PAK1IP1: variants seen among roughly 807,000 people sequenced by gnomAD.
PAK1IP1 encodes p21-activated protein kinase-interacting protein 1.
Under a neutral mutation model 42.0 loss-of-function variants are expected in PAK1IP1, and 24 were observed. That is an observed-to-expected ratio of 0.57 (90% CI 0.41 to 0.80). The LOEUF is 0.80. Ranked by LOEUF, PAK1IP1 falls within the 30% of genes least tolerant of loss-of-function variation. The pLI is 0.00. For synonymous variants in PAK1IP1, 154 were observed against 156.7 expected, an observed-to-expected ratio of 0.98 and a Z score of 0.13; for missense variants, 411 against 467.9, an observed-to-expected ratio of 0.88 and a Z score of 1.12.
upstream of PAK1IP1, chr6:10,694,552 TA>T (rs1769690076): frequency 6.0e-6 from 1 of 166,234 alleles, no homozygotes; most frequent in African/African-American, 2.4e-5. Flanking sequence ...CCTACCCTAC[TA>T]GTACACAGCC....
Position 10,709,603 on chromosome 6 carries a change from T to TAAAAAA in PAK1IP1, c.*162_*167dup. The TAAAAAA allele has an allele frequency of 3.5e-6, 1 of 283,684 alleles. No homozygotes were observed. 17.6% of individuals were successfully genotyped at this position (283,684 alleles called of 1,614,324 possible). A position where few individuals can be genotyped will look rare whatever the true frequency, so the allele number is the denominator to read the frequency against. On this transcript the variant is annotated 3_prime_UTR_variant, in exon 10 of 10. Coordinates refer to ENST00000379568, the MANE Select transcript of PAK1IP1 (RefSeq NM_017906.3). Reference sequence around the variant, plus strand: ...AAAACCACTTTTAGATGGTTTTTTTTAAAAAAAAAAAAAAAACTGGTAAAA... The same window carrying TAAAAAA: ...AAAACCACTTTTAGATGGTTTTTTTTAAAAAAAAAAAAAAAAAAAAAACTGGTAAAA...
At chr6:10,705,714 A>G (rs1170946096) in intron 7 of PAK1IP1, among the ~76,000 whole-genome samples, 1 of 152,212 alleles carries the variant, frequency 6.6e-6, no homozygotes, top group East Asian at 1.9e-4. Context: ...TGACTCTTAT[A>G]TCCCTGCTTT....
At chr6:10,696,047 T>C (rs955687444) in intron 1 of PAK1IP1, among the ~76,000 whole-genome samples, 8 of 152,106 alleles carry the variant, frequency 5.3e-5, no homozygotes, top group Non-Finnish European at 8.8e-5. Flanking sequence ...AGGATGCAGT[T>C]ATTCTCGTTT....
chr6:10,703,494 C>G (rs911217204), intron 5 of PAK1IP1, 37 bp downstream of exon 5: 33 of 1,459,044 alleles, frequency 2.3e-5, no homozygotes, highest in Non-Finnish European at 3.1e-5. Flanking sequence ...TTGAGCATTC[C>G]TAATCTGGAA....
In PAK1IP1 at chr6:10,704,513, A is replaced by G. The variant is rs1318841475; in HGVS notation, c.503A>G (p.His168Arg). 1 of 1,571,610 alleles carries G rather than the reference A, an allele frequency of 6.4e-7. No individual in the cohort carries two copies. The highest frequency in any genetic ancestry group is 1.2e-5 in the South Asian group (1 of 85,312). ...AFIKNIKQNAHIVEWSPRGEQ... is the reference protein window; with the variant it reads ...AFIKNIKQNARIVEWSPRGEQ... The stretch of plus-strand genomic sequence containing the variant: ...CGTTTTTTTCCACTTACAGATGCTC[A>G]CATAGTAGAATGGTCCCCAAGAGGA... The change falls in exon 6 of 10, where the codon CAC becomes CGC. Residue 168 changes from histidine to arginine, a missense_variant. By Grantham distance (29) the His-to-Arg change is conservative (BLOSUM62 0). Coordinates refer to ENST00000379568, the MANE Select transcript of PAK1IP1 (RefSeq NM_017906.3).
At chr6:10,709,189 C>G (rs1174878821) in intron 9 of PAK1IP1, 49 bp from the exon 10 acceptor site, 2 of 1,541,070 alleles carry the variant, frequency 1.3e-6, no homozygotes, top group Non-Finnish European at 1.8e-6. Flanking sequence ...TTATTTCATT[C>G]AAAGGGGAAA....
chr6:10,697,946 G>C (rs1561890552), intron 2 of PAK1IP1, among the ~76,000 whole-genome samples: 8 of 151,938 alleles, frequency 5.3e-5, no homozygotes, highest in Admixed American at 5.2e-4. Flanking sequence ...TGTATTGGGA[G>C]ACAGAAAGGA....
At chr6:10,697,254 A>G in intron 1 of PAK1IP1, 70 bp from the exon 2 acceptor site, 1 of 1,260,096 alleles carries the variant, frequency 7.9e-7, no homozygotes. Context: ...ATTCATGAAA[A>G]CTACCAGTGG....
At chr6:10,700,528 T>C (rs951090869) in intron 2 of PAK1IP1, among the ~76,000 whole-genome samples, 2 of 152,232 alleles carry the variant, frequency 1.3e-5, no homozygotes, top group African/African-American at 4.8e-5. Flanking sequence ...TGGCAGACTG[T>C]CCATTGCTGC....
At chr6:10,705,198 G>T (rs1314894695) in intron 7 of PAK1IP1, among the ~76,000 whole-genome samples, 2 of 152,068 alleles carry the variant, frequency 1.3e-5, no homozygotes, top group African/African-American at 4.8e-5. Context: ...CACGCTGGTA[G>T]TCCCAGTTAC....
Position 10,709,492 on chromosome 6 carries a change from C to T in PAK1IP1, c.*40C>T, listed in dbSNP as rs779793573. The stretch of plus-strand genomic sequence containing the variant: ...CTGAAAGAACTCTTTTAGATGAAAT[C>T]ATTCTACTCAAATGTACCTTAATTT... On this transcript the variant is annotated 3_prime_UTR_variant, in exon 10 of 10. Coordinates refer to ENST00000379568, the MANE Select transcript of PAK1IP1 (RefSeq NM_017906.3). The T allele has an allele frequency of 2.2e-6, 3 of 1,350,444 alleles. No homozygotes were observed. The Admixed American group carries it at 6.4e-5, about 29-fold the overall frequency. 83.7% of individuals were successfully genotyped at this position (1,350,444 alleles called of 1,614,324 possible).
chr6:10,707,630 G>A (rs1354475990), intron 8 of PAK1IP1, 116 bp downstream of exon 8: 2 of 645,190 alleles, frequency 3.1e-6, no homozygotes, highest in African/African-American at 3.7e-5. Context: ...ATCTCTTCCA[G>A]GCATGATTGA....
intron 4 of PAK1IP1, among the ~76,000 whole-genome samples, chr6:10,702,951 C>A (rs1445500508): frequency 1.3e-5 from 2 of 152,096 alleles, no homozygotes; most frequent in Admixed American, 6.5e-5. Flanking sequence ...GAACTACAGG[C>A]GCCCACCACC....
Position 10,695,026 on chromosome 6 carries a change from G to T in PAK1IP1, c.41G>T (p.Gly14Val), listed in dbSNP as rs1467643460. The change falls in exon 1 of 10, where the codon GGG (glycine) becomes GTG (valine). Residue 14 changes from glycine to valine, a missense_variant. By Grantham distance (109) the Gly-to-Val change is moderately radical. Transcript: ENST00000379568. ...GGTTGCTACGAGCAGGTCCTCTTTG[G>T]GTTCGCTGTACACCCGGAGCCCGAG... ...VAGCYEQVLF[G>V]FAVHPEPEAC... 6.2e-7 allele frequency: 1 copy of T among 1,603,092 alleles called. No homozygotes were observed. Among genetic ancestry groups the T allele is most frequent in the Non-Finnish European group, 8.5e-7 (1 of 1,179,660 alleles).
upstream of PAK1IP1, among the ~76,000 whole-genome samples, chr6:10,692,544 G>T (rs1581570093): frequency 6.6e-6 from 1 of 151,982 alleles, no homozygotes; most frequent in African/African-American, 2.4e-5. Context: ...TAATTCAAGC[G>T]ATTCTCCCGC....
chr6:10,697,261 G>A (rs2127478607), intron 1 of PAK1IP1, 63 bp from the exon 2 acceptor site: 2 of 1,339,154 alleles, frequency 1.5e-6, no homozygotes, highest in Non-Finnish European at 2.1e-6. Flanking sequence ...AAAACTACCA[G>A]TGGATAGAGT....
At chr6:10,700,682 G>A (rs537640554) in intron 2 of PAK1IP1, among the ~76,000 whole-genome samples, 1 of 152,138 alleles carries the variant, frequency 6.6e-6, no homozygotes, top group East Asian at 1.9e-4. Flanking sequence ...AATTTGATCT[G>A]CCCAAACCCA....
upstream of PAK1IP1, among the ~76,000 whole-genome samples, chr6:10,694,037 A>C (rs1303049775): frequency 1.3e-5 from 2 of 152,156 alleles, no homozygotes; most frequent in Non-Finnish European, 2.9e-5. Context: ...AGGCAAGCGG[A>C]TCACCTGCGG....
rs1561890309 is a variant in PAK1IP1, at chr6:10,697,519, T to TA, written c.247+34dup. On this transcript the variant is annotated intron_variant, in intron 2 of 9. Transcript: ENST00000379568. ...AATTGTATCCCTTAAGATGAGAACA[T>TA]AGAGGTTTTCTTTACAATTTGACTT... 3.3e-6 allele frequency: 5 copies of TA among 1,494,886 alleles called. No homozygotes were observed. In the East Asian group the frequency reaches 1.1e-4, roughly 34 times the overall value. The allele number at this position is 1,494,886 out of a possible 1,614,324, so 92.6% of individuals were successfully genotyped here.
Sources: gnomAD v4.1 joint callset for allele counts (sites outside exome capture counted in the v4.1 genomes callset) on GRCh38, gnomAD v4.1.1 for gene constraint, MANE v1.5 for transcripts, NCBI Gene and HGNC (gene_info 2026-07-23, HGNC 2026-07-21) for gene names.